TMEM92: variants seen among roughly 807,000 people sequenced by gnomAD.
TMEM92 encodes transmembrane protein 92.
A neutral mutation model predicts 14.6 loss-of-function variants in TMEM92; 15 were observed. That is an observed-to-expected ratio of 1.03 (90% CI 0.69 to 1.58). TMEM92 has a LOEUF of 1.58. TMEM92 is among the 40% of genes most tolerant of loss of function. The pLI is 0.00. For missense variants in TMEM92, 174 were observed against 202.4 expected, an observed-to-expected ratio of 0.86 and a Z score of 0.85; for synonymous variants, 85 against 83.3, an observed-to-expected ratio of 1.02 and a Z score of -0.11.
At position 50,277,972 on chromosome 17, in the gene TMEM92, G is replaced by A. The variant is rs144220046; in HGVS notation, c.95+232G>A. Among the ~76,000 whole-genome samples the A allele has an allele frequency of 5.4e-3, 827 of 152,260 alleles. 6 individuals are homozygous for A. Among genetic ancestry groups the A allele is most frequent in the African/African-American group, 0.019 (786 of 41,546 alleles). ...GCAGGCAGGTCTGTAGCTGGATCCC[G>A]GTCCTTCCTACTGCAGTGCCAGGCT... is the stretch of plus-strand genomic sequence containing the variant. On this transcript the variant is annotated intron_variant, in intron 2 of 4. Transcript: ENST00000507382.
At chr17:50,273,986 T>G (rs1910334039), upstream of TMEM92, among the ~76,000 whole-genome samples, 1 of 152,122 alleles carries the variant, frequency 6.6e-6, no homozygotes, top group Non-Finnish European at 1.5e-5. Flanking sequence ...ATTTATTTAT[T>G]TATTTATTTA....
chr17:50,276,490 G>C (rs1320773063), intron 1 of TMEM92, among the ~76,000 whole-genome samples: 1 of 152,192 alleles, frequency 6.6e-6, no homozygotes, highest in Non-Finnish European at 1.5e-5. Context: ...TATCTTTACT[G>C]TTGTGATTTG....
At chr17:50,272,673 G>C (rs1404425483), upstream of TMEM92, among the ~76,000 whole-genome samples, 6 of 152,038 alleles carry the variant, frequency 3.9e-5, no homozygotes, top group African/African-American at 1.4e-4. Flanking sequence ...TCTTCTTAAG[G>C]GGCAAAAAGG....
intron 2 of TMEM92, among the ~76,000 whole-genome samples, chr17:50,278,211 G>A (rs1188561955): frequency 3.3e-5 from 5 of 152,118 alleles, no homozygotes; most frequent in African/African-American, 9.7e-5. Context: ...GACATGCCAC[G>A]TGGCCTCTTT....
In TMEM92 at chr17:50,274,569, A is replaced by C; in HGVS notation, c.68A>C (p.Lys23Thr). 7 of 1,613,384 alleles carry C rather than the reference A, an allele frequency of 4.3e-6. No individual in the cohort carries two copies. The highest frequency in any genetic ancestry group is 5.9e-6 in the Non-Finnish European group (7 of 1,179,684). The change falls in exon 1 of 5, where the codon AAG becomes ACG. Residue 23 changes from lysine to threonine, a missense_variant and splice_region_variant. Transcript: ENST00000507382. ...TTCAGCCTGCTGGCTGGCCCCCAAA[A>C]GGTGAGACTGGGAGGTAAGGTTGTT... ...LLFSLLAGPQ[K>T]IAAKCGLILA...
chr17:50,279,385 A>AC lies in TMEM92; in HGVS notation c.*81dup. On this transcript the variant is annotated 3_prime_UTR_variant, in exon 5 of 5. Coordinates refer to ENST00000507382, the MANE Select transcript of TMEM92 (RefSeq NM_153229.3). ...CTGGATCAAGCTAGAGACTGCTGGC[A>AC]CCCCAGGAATGTCCCTGCCCATCCT... is the stretch of plus-strand genomic sequence containing the variant. 3 of 1,177,448 alleles carry AC rather than the reference A, an allele frequency of 2.5e-6. No individual in the cohort carries two copies. The highest frequency in any genetic ancestry group is 1.5e-5 in the African/African-American group (1 of 65,142). The allele number at this position is 1,177,448 out of a possible 1,614,324, so 72.9% of individuals were successfully genotyped here.
chr17:50,278,997 G>A lies in TMEM92; in HGVS notation c.366+1G>A, dbSNP rs1478057018. 4.4e-6 allele frequency: 7 copies of A among 1,589,812 alleles called. No individual in the cohort carries two copies. Among genetic ancestry groups the A allele is most frequent in the Non-Finnish European group, 6.0e-6 (7 of 1,161,628 alleles). ...TGCGCCCCCACCCCCCTACAGTGAG[G>A]TGGGTGTCTCATCCCCATCCCCACC... On this transcript the variant is annotated splice_donor_variant, in intron 4 of 4. Coordinates refer to ENST00000507382, the MANE Select transcript of TMEM92 (RefSeq NM_153229.3). LOFTEE classifies it high-confidence loss of function.
upstream of TMEM92, among the ~76,000 whole-genome samples, chr17:50,271,769 T>C (rs1358828097): frequency 2.0e-5 from 3 of 152,296 alleles, no homozygotes; most frequent in South Asian, 2.1e-4. Flanking sequence ...CCAGGTGTAG[T>C]AGCTCACGCC....
intron 1 of TMEM92, 126 bp downstream of exon 1, chr17:50,274,696 CT>C: frequency 1.2e-6 from 1 of 834,732 alleles, no homozygotes; most frequent in South Asian, 1.7e-5. Flanking sequence ...CAGTTAGCTA[CT>C]TCCTTTCTCT....
Position 50,281,410 on chromosome 17 carries a change from T to C in TMEM92, c.*2102T>C, listed in dbSNP as rs1292088998. 6.6e-6 allele frequency: 1 copy of C among 152,168 alleles called. No individual in the cohort carries two copies. The highest frequency in any genetic ancestry group is 2.4e-5 in the African/African-American group (1 of 41,422). The allele number at this position is 152,168 out of a possible 1,614,324, so 9.4% of individuals were successfully genotyped here. A position where few individuals can be genotyped will look rare whatever the true frequency, so the allele number is the denominator to read the frequency against. ...CTCATACAAAAGAGCTCAATAAGTA[T>C]CATGCACTAATTCATTGTGCCACCA... On this transcript the variant is annotated 3_prime_UTR_variant, in exon 5 of 5. Coordinates refer to ENST00000507382, the MANE Select transcript of TMEM92 (RefSeq NM_153229.3).
At chr17:50,278,428 C>A (rs911373026) in intron 2 of TMEM92, 128 bp from the exon 3 acceptor site, 5 of 1,020,402 alleles carry the variant, frequency 4.9e-6, no homozygotes, top group Non-Finnish European at 5.9e-6. Flanking sequence ...GGCCATACCC[C>A]CCACCCCACT....
chr17:50,276,891 C>T (rs1435960340), intron 1 of TMEM92, among the ~76,000 whole-genome samples: 1 of 152,128 alleles, frequency 6.6e-6, no homozygotes, highest in Non-Finnish European at 1.5e-5. Context: ...GTTAAGCACA[C>T]TAAGGGAAAA....
rs750457866 is a variant in TMEM92, at chr17:50,278,851, G to A, written c.221G>A (p.Gly74Asp). The change falls in exon 4 of 5, where the codon GGC becomes GAC. Residue 74 changes from glycine to aspartate, a missense_variant. Transcript: ENST00000507382. ...ATCCTGTCCGTCTTTTGCATCTGTG[G>A]CCTGGCTAAGTGCTTCTGTCGCAAC... is the stretch of plus-strand genomic sequence containing the variant. ...LVILSVFCICGLAKCFCRNCR... is the reference protein window; with the variant it reads ...LVILSVFCICDLAKCFCRNCR... 6.2e-7 allele frequency: 1 copy of A among 1,613,626 alleles called. No individual in the cohort carries two copies. Among genetic ancestry groups the A allele is most frequent in the Admixed American group, 1.7e-5 (1 of 59,968 alleles).
Position 50,279,583 on chromosome 17 carries a change from G to C in TMEM92, c.*275G>C, listed in dbSNP as rs1910550687. 7.5e-6 allele frequency: 3 copies of C among 402,066 alleles called. No homozygotes were observed. The highest frequency in any genetic ancestry group is 1.4e-5 in the Non-Finnish European group (3 of 219,586). 24.9% of individuals were successfully genotyped at this position (402,066 alleles called of 1,614,324 possible). A position where few individuals can be genotyped will look rare whatever the true frequency, so the allele number is the denominator to read the frequency against. On this transcript the variant is annotated 3_prime_UTR_variant, in exon 5 of 5. Transcript: ENST00000507382. ...TGCTGACCATTGGAGGTGCCCAACA[G>C]TAGAATGGGCTACTGTGAGGGGTAG...
At chr17:50,275,460 T>TTTACC (rs1910399650) in intron 1 of TMEM92, among the ~76,000 whole-genome samples, 1 of 152,068 alleles carries the variant, frequency 6.6e-6, no homozygotes, top group South Asian at 2.1e-4. Flanking sequence ...GGGCTGGGCA[T>TTTACC]CCTCTGGTTT....
intron 1 of TMEM92, 82 bp downstream of exon 1, chr17:50,274,652 C>G: frequency 1.6e-6 from 2 of 1,268,298 alleles, no homozygotes; most frequent in Non-Finnish European, 2.2e-6. Context: ...CTGGTCGCCA[C>G]CTTCCAGAAT....
intron 1 of TMEM92, among the ~76,000 whole-genome samples, chr17:50,275,836 T>C (rs1910412825): frequency 6.6e-6 from 1 of 152,070 alleles, no homozygotes; most frequent in South Asian, 2.1e-4. Context: ...TGTATATATA[T>C]ATTTTTAATT....
upstream of TMEM92, among the ~76,000 whole-genome samples, chr17:50,272,614 C>G (rs1456697177): frequency 6.6e-6 from 1 of 152,100 alleles, no homozygotes; most frequent in Non-Finnish European, 1.5e-5. Context: ...ACTTCAAATA[C>G]AGAGGGGCCA....
chr17:50,276,668 C>T (rs1910442764), intron 1 of TMEM92, among the ~76,000 whole-genome samples: 1 of 152,308 alleles, frequency 6.6e-6, no homozygotes, highest in South Asian at 2.1e-4. Flanking sequence ...ATCCCTCCCC[C>T]ACAGTCTGGG....
Sources: allele counts gnomAD v4.1 joint callset (sites outside exome capture counted in the v4.1 genomes callset), GRCh38; gene constraint gnomAD v4.1.1; transcripts MANE v1.5; gene names NCBI Gene and HGNC (gene_info 2026-07-23, HGNC 2026-07-21).